ZNF521: variants seen among roughly 807,000 people sequenced by gnomAD.
The protein encoded by ZNF521 is zinc finger protein 521.
ZNF521 carries 14 observed loss-of-function variants against 105.5 expected under a neutral mutation model. The observed-to-expected ratio is 0.13, with a 90% confidence interval of 0.09 to 0.21. The LOEUF is 0.21. ZNF521 is among the 10% of genes least tolerant of loss of function. The probability of loss-of-function intolerance (pLI) is 1.00; values close to 1 mark genes in which losing one functional copy is unlikely to be tolerated. For synonymous variants in ZNF521, 635 were observed against 606.0 expected (o/e 1.05, Z -0.70); for missense variants, 1,233 against 1,629.7 (o/e 0.76, Z 4.19).
At chr18:25,102,344 T>G (rs1279408145) in intron 5 of ZNF521, among the ~76,000 whole-genome samples, 2 of 151,854 alleles carry the variant, frequency 1.3e-5, no homozygotes, top group Non-Finnish European at 2.9e-5. Context: ...AAGATTTTCA[T>G]GTAAAATTGA....
rs779667326 is a variant in ZNF521, at chr18:25,336,245, G to C, written c.41-14058C>G. ...CTCTGAAGCCAAGAAGAAAATGCTTGTAGACAAATTTACTGATGACTGAGG... is the reference window on the plus strand; with the variant it reads ...CTCTGAAGCCAAGAAGAAAATGCTTCTAGACAAATTTACTGATGACTGAGG... On this transcript the variant is annotated intron_variant, in intron 2 of 7. Coordinates refer to ENST00000361524, the MANE Select transcript of ZNF521 (RefSeq NM_015461.3). Among the ~76,000 whole-genome samples, 69 of 152,170 alleles carry C rather than the reference G, an allele frequency of 4.5e-4. 1 individual carries two copies. The highest frequency in any genetic ancestry group is 9.0e-4 in the Non-Finnish European group (61 of 67,906).
At chr18:25,250,545 T>C (rs1312542957) in intron 3 of ZNF521, among the ~76,000 whole-genome samples, 1 of 152,362 alleles carries the variant, frequency 6.6e-6, no homozygotes, top group Non-Finnish European at 1.5e-5. Flanking sequence ...AGCAAGACTG[T>C]AATAATCTTT....
chr18:25,101,059 T>C (rs1272393060), intron 5 of ZNF521, among the ~76,000 whole-genome samples: 2 of 152,186 alleles, frequency 1.3e-5, no homozygotes, highest in African/African-American at 4.8e-5. Context: ...ACTACAGATA[T>C]CAGTAAATAG....
rs58569257 is a variant in ZNF521, at chr18:25,212,539, AT to A, written c.3573+11805del. Reference sequence around the variant, plus strand: ...AAAAAAAAAAAAAAAAAAAAAAAAAATATATATATATATATATATATATATA... The same window carrying A: ...AAAAAAAAAAAAAAAAAAAAAAAAAAATATATATATATATATATATATATA... On this transcript the variant is annotated intron_variant, in intron 4 of 7. Coordinates refer to ENST00000361524, the MANE Select transcript of ZNF521 (RefSeq NM_015461.3). Among the ~76,000 whole-genome samples the A allele has an allele frequency of 9.9e-3, 474 of 47,862 alleles. 6 individuals carry two copies. The highest frequency in any genetic ancestry group is 0.026 in the African/African-American group (237 of 9,014). The allele number at this position is 47,862 out of a possible 152,430, so 31.4% of individuals were successfully genotyped here. A position where few individuals can be genotyped will look rare whatever the true frequency, so the allele number is the denominator to read the frequency against.
At chr18:25,284,999 C>T (rs991161768) in intron 3 of ZNF521, among the ~76,000 whole-genome samples, 2 of 151,690 alleles carry the variant, frequency 1.3e-5, no homozygotes, top group African/African-American at 4.8e-5. Flanking sequence ...AAGAGCCCAG[C>T]TGCTTCCTTA....
intron 5 of ZNF521, among the ~76,000 whole-genome samples, chr18:25,170,524 C>T (rs2035429123): frequency 6.6e-6 from 1 of 152,118 alleles, no homozygotes; most frequent in Non-Finnish European, 1.5e-5. Flanking sequence ...CTCTCTAAAT[C>T]AGTTTTGACT....
intron 7 of ZNF521, among the ~76,000 whole-genome samples, chr18:25,085,555 G>A (rs1247536200): frequency 6.6e-6 from 1 of 151,392 alleles, no homozygotes; most frequent in Non-Finnish European, 1.5e-5. Flanking sequence ...TGCAAATGAA[G>A]GTAACACACC....
chr18:25,103,577 T>C (rs4129316), intron 5 of ZNF521, among the ~76,000 whole-genome samples: 1 of 151,980 alleles, frequency 6.6e-6, no homozygotes, highest in Non-Finnish European at 1.5e-5. Flanking sequence ...CCTAACCTAC[T>C]TTTCTCTCTT....
intron 5 of ZNF521, among the ~76,000 whole-genome samples, chr18:25,133,506 C>T (rs567736750): frequency 2.0e-5 from 3 of 152,292 alleles, no homozygotes; most frequent in East Asian, 3.9e-4. Flanking sequence ...CTTTCACCCA[C>T]ATAACCATTT....
intron 2 of ZNF521, among the ~76,000 whole-genome samples, chr18:25,346,954 T>G (rs1351255011): frequency 6.6e-6 from 1 of 152,218 alleles, no homozygotes; most frequent in Non-Finnish European, 1.5e-5. Flanking sequence ...CACCTTTATA[T>G]AGTGGACCAC....
At chr18:25,213,306 AT>A (rs1331245263) in intron 4 of ZNF521, among the ~76,000 whole-genome samples, 2 of 150,884 alleles carry the variant, frequency 1.3e-5, no homozygotes, top group African/African-American at 4.8e-5. Flanking sequence ...AAAAGTTTTT[AT>A]TAGGGTAAGG....
At chr18:25,171,174 G>T (rs1482799311) in intron 5 of ZNF521, among the ~76,000 whole-genome samples, 7 of 152,026 alleles carry the variant, frequency 4.6e-5, no homozygotes, top group Non-Finnish European at 1.0e-4. Context: ...AAAACTAAGT[G>T]GTGAGTTACT....
chr18:25,216,374 A>G (rs528056629), intron 4 of ZNF521, among the ~76,000 whole-genome samples: 1 of 152,332 alleles, frequency 6.6e-6, no homozygotes, highest in African/African-American at 2.4e-5. Context: ...ACCTAACTTT[A>G]AAATAGTTTT....
intron 3 of ZNF521, among the ~76,000 whole-genome samples, chr18:25,236,269 C>T (rs1203752575): frequency 1.3e-5 from 2 of 152,228 alleles, no homozygotes; most frequent in Non-Finnish European, 2.9e-5. Context: ...GGCGCGGTGG[C>T]TCACGCCTGT....
At chr18:25,076,644 T>C (rs1259594891) in intron 7 of ZNF521, among the ~76,000 whole-genome samples, 1 of 152,220 alleles carries the variant, frequency 6.6e-6, no homozygotes, top group Admixed American at 6.5e-5. Context: ...GCCTTTATTA[T>C]ATAATAAAAT....
chr18:25,123,721 A>C (rs978206932), intron 5 of ZNF521, among the ~76,000 whole-genome samples: 4 of 152,110 alleles, frequency 2.6e-5, no homozygotes, highest in African/African-American at 9.7e-5. Flanking sequence ...TTCTAATATA[A>C]CCTTGACCTA....
chr18:25,318,018 G>T (rs1267861642), intron 3 of ZNF521, among the ~76,000 whole-genome samples: 5 of 151,488 alleles, frequency 3.3e-5, no homozygotes, highest in Non-Finnish European at 7.4e-5. Flanking sequence ...CCATATAGAA[G>T]GTTGACTATT....
chr18:25,253,358 C>T (rs1031485291), intron 3 of ZNF521, among the ~76,000 whole-genome samples: 2 of 152,092 alleles, frequency 1.3e-5, no homozygotes, highest in Admixed American at 6.5e-5. Flanking sequence ...CTGCCACATT[C>T]CTGGGACATT....
intron 2 of ZNF521, among the ~76,000 whole-genome samples, chr18:25,339,355 C>T (rs79559419): frequency 1.3e-5 from 2 of 152,158 alleles, no homozygotes; most frequent in Non-Finnish European, 2.9e-5. Flanking sequence ...ATCTTTCATT[C>T]GAAAACATAT....
Sources: allele counts gnomAD v4.1 joint callset (sites outside exome capture counted in the v4.1 genomes callset), GRCh38; gene constraint gnomAD v4.1.1; transcripts MANE v1.5; gene names NCBI Gene and HGNC (gene_info 2026-07-23, HGNC 2026-07-21).